ARMC8: variants seen among roughly 807,000 people sequenced by gnomAD.
The protein encoded by ARMC8 is armadillo repeat containing 8.
In ARMC8, 20 loss-of-function variants were observed where a neutral mutation model predicts 99.3. That is an observed-to-expected ratio of 0.20 (90% confidence interval 0.14 to 0.29). The LOEUF is 0.29. ARMC8 is among the 10% of genes least tolerant of loss of function. The pLI, the probability that ARMC8 is intolerant of heterozygous loss-of-function variation, is 1.00. For synonymous variants in ARMC8, 263 were observed against 278.3 expected (o/e 0.95, Z 0.55); for missense variants, 569 against 809.5 (o/e 0.70, Z 3.60).
At chr3:138,273,313 C>G (rs1445015888) in intron 17 of ARMC8, among the ~76,000 whole-genome samples, 197 bp downstream of exon 17, 1 of 152,190 alleles carries the variant, frequency 6.6e-6, no homozygotes, top group Non-Finnish European at 1.5e-5. Context: ...CATATCACCC[C>G]CTATTCTCCA....
chr3:138,264,047 T>C (rs1458578552), intron 13 of ARMC8, 84 bp from the exon 14 acceptor site: 2 of 1,237,218 alleles, frequency 1.6e-6, no homozygotes, highest in African/African-American at 3.0e-5. Context: ...AAGTGTACAT[T>C]AGTCATTGTA....
At chr3:138,265,254 T>A (rs2048168090) in intron 14 of ARMC8, among the ~76,000 whole-genome samples, 1 of 152,008 alleles carries the variant, frequency 6.6e-6, no homozygotes, top group African/African-American at 2.4e-5. Context: ...CAGGCCCCTT[T>A]TGTCCCCCCC....
At chr3:138,288,878 C>A (rs2050680358) in intron 19 of ARMC8, 170 bp from the exon 20 acceptor site, 4 of 559,080 alleles carry the variant, frequency 7.2e-6, no homozygotes, top group Non-Finnish European at 1.3e-5. Context: ...CCTCGATCTT[C>A]CACCTGCCTT....
intron 12 of ARMC8, among the ~76,000 whole-genome samples, chr3:138,250,216 G>T: frequency 6.6e-6 from 1 of 152,096 alleles, no homozygotes; most frequent in East Asian, 1.9e-4. Context: ...GCAGATCATT[G>T]TAAATACGTG....
At chr3:138,238,352 A>G (rs2046437879) in intron 9 of ARMC8, 1 of 152,358 alleles carries the variant, frequency 6.6e-6, no homozygotes, top group Admixed American at 6.5e-5. Context: ...GGCATGAGCT[A>G]CTGTGCCCAG....
Position 138,244,570 on chromosome 3 carries a change from G to A in ARMC8, c.1039-518G>A, listed in dbSNP as rs376151159. ...TGGGATTACAGGCGTGAGCCACCGC[G>A]CCCGGCCTCTAAAAGCTTTTTAAAT... On this transcript the variant is annotated intron_variant, in intron 11 of 21. Transcript: ENST00000469044. Among the ~76,000 whole-genome samples the A allele has an allele frequency of 1.8e-4, 28 of 152,242 alleles. No individual in the cohort carries two copies. In the East Asian group the frequency reaches 2.7e-3, roughly 15 times the overall value.
intron 1 of ARMC8, among the ~76,000 whole-genome samples, chr3:138,201,395 T>C (rs982026411): frequency 1.3e-5 from 2 of 149,876 alleles, no homozygotes; most frequent in Non-Finnish European, 3.0e-5. Flanking sequence ...CTCTTGCATA[T>C]GTTGTGCTCT....
intron 1 of ARMC8, among the ~76,000 whole-genome samples, chr3:138,200,206 C>A (rs1476461500): frequency 1.3e-5 from 2 of 152,148 alleles, no homozygotes; most frequent in South Asian, 2.1e-4. Context: ...ATCATTTAAA[C>A]CCGTAAATAC....
intron 2 of ARMC8, among the ~76,000 whole-genome samples, chr3:138,212,372 C>T (rs922769750): frequency 4.7e-5 from 7 of 149,494 alleles, no homozygotes; most frequent in Middle Eastern, 3.5e-3. Flanking sequence ...TGCAATGGCG[C>T]GATCTCGGCT....
At chr3:138,248,672 G>A (rs1043072082) in intron 12 of ARMC8, among the ~76,000 whole-genome samples, 17 of 152,182 alleles carry the variant, frequency 1.1e-4, no homozygotes, top group Non-Finnish European at 2.2e-4. Context: ...ACCATCACTT[G>A]ATTAGGACCT....
At chr3:138,271,426 A>T (rs962680134) in intron 16 of ARMC8, among the ~76,000 whole-genome samples, 1 of 152,196 alleles carries the variant, frequency 6.6e-6, no homozygotes, top group Non-Finnish European at 1.5e-5. Context: ...ACATATCCAG[A>T]TGTAACTGTT....
At chr3:138,193,297 G>A (rs775033090) in intron 1 of ARMC8, among the ~76,000 whole-genome samples, 1 of 151,166 alleles carries the variant, frequency 6.6e-6, no homozygotes, top group Non-Finnish European at 1.5e-5. Context: ...GTTTTGCTCT[G>A]TCATCCGGGC....
intron 10 of ARMC8, among the ~76,000 whole-genome samples, chr3:138,239,834 C>T (rs768164144): frequency 7.9e-5 from 12 of 152,048 alleles, no homozygotes; most frequent in Non-Finnish European, 1.6e-4. Flanking sequence ...AAATATATTT[C>T]GTTCTTGATT....
intron 1 of ARMC8, among the ~76,000 whole-genome samples, chr3:138,198,033 A>T (rs887353446): frequency 2.0e-5 from 3 of 152,174 alleles, no homozygotes; most frequent in Admixed American, 1.3e-4. Context: ...TTATCACATT[A>T]AAAACTCACT....
intron 12 of ARMC8, 97 bp from the exon 13 acceptor site, chr3:138,263,642 T>G: frequency 8.9e-7 from 1 of 1,122,334 alleles, no homozygotes; most frequent in Admixed American, 1.7e-5. Flanking sequence ...AAAAACAACG[T>G]TAAACTTTTA....
Position 138,296,009 on chromosome 3 carries a change from T to C in ARMC8, c.*117T>C. 9.0e-7 allele frequency: 1 copy of C among 1,105,226 alleles called. No individual in the cohort carries two copies. Among genetic ancestry groups the C allele is most frequent in the Non-Finnish European group, 1.3e-6 (1 of 782,984 alleles). 68.5% of individuals were successfully genotyped at this position (1,105,226 alleles called of 1,614,324 possible). On this transcript the variant is annotated 3_prime_UTR_variant, in exon 22 of 22. Coordinates refer to ENST00000469044, the MANE Select transcript of ARMC8 (RefSeq NM_001363941.2). The stretch of plus-strand genomic sequence containing the variant: ...GTCACCTTGGACTGCAGGGAGCTGT[T>C]TTGCAAAAGCAGTTTAGTAGGCTTA...
chr3:138,240,024 C>T (rs759893184), intron 10 of ARMC8, among the ~76,000 whole-genome samples: 8 of 152,104 alleles, frequency 5.3e-5, no homozygotes, highest in South Asian at 4.2e-4. Flanking sequence ...TTAGAAAAAC[C>T]TGGAGAAAAG....
Position 138,252,736 on chromosome 3 carries a change from G to GTA in ARMC8, c.1134+7553_1134+7554insTA, listed in dbSNP as rs1283260766. Among the ~76,000 whole-genome samples, 8 of 25,164 alleles carry GTA rather than the reference G, an allele frequency of 3.2e-4. 1 individual carries two copies. The Admixed American group carries it at 4.6e-3, about 14-fold the overall frequency. 16.5% of individuals were successfully genotyped at this position (25,164 alleles called of 152,430 possible). A position where few individuals can be genotyped will look rare whatever the true frequency, so the allele number is the denominator to read the frequency against. On this transcript the variant is annotated intron_variant, in intron 12 of 21. Transcript: ENST00000469044. ...TCCAAAGTGCTGGGATTACAGGCGT[G>GTA]AGCCACCCCGCCCCCCCCCCCCCCC...
intron 6 of ARMC8, among the ~76,000 whole-genome samples, chr3:138,230,222 GAC>G (rs2045961960): frequency 6.6e-6 from 1 of 152,168 alleles, no homozygotes; most frequent in Admixed American, 6.5e-5. Flanking sequence ...TTAAGAAAAT[GAC>G]AGTTTTGTTG....
Sources: gnomAD v4.1 joint callset for allele counts (sites outside exome capture counted in the v4.1 genomes callset) on GRCh38, gnomAD v4.1.1 for gene constraint, MANE v1.5 for transcripts, NCBI Gene and HGNC (gene_info 2026-07-23, HGNC 2026-07-21) for gene names.